SLC30A7: variants seen among roughly 807,000 people sequenced by gnomAD.
SLC30A7 encodes zinc transporter 7.
A neutral mutation model predicts 46.0 loss-of-function variants in SLC30A7; 35 were observed. The ratio of observed to expected loss-of-function variants is 0.76; its 90% confidence interval spans 0.58 to 1.01. The LOEUF (loss-of-function observed/expected upper bound fraction) is 1.01. Ranked by LOEUF, SLC30A7 falls within the 50% of genes least tolerant of loss-of-function variation. SLC30A7 has a pLI of 0.00. For missense variants in SLC30A7, 464 were observed against 451.1 expected (o/e 1.03, Z -0.26); for synonymous variants, 147 against 157.8 (o/e 0.93, Z 0.51).
At position 100,971,894 on chromosome 1, in the gene SLC30A7, C is replaced by G. The variant is rs577758434; in HGVS notation, c.1084-2916C>G. ...AAATTTTTTACTTCCGATTTGTTAT[C>G]CTTTCTACAACAATAAATATGTATT... On this transcript the variant is annotated intron_variant, in intron 10 of 10. Transcript: ENST00000357650. 4.6e-5 allele frequency among the ~76,000 whole-genome samples: 7 copies of G among 152,182 alleles called. No individual in the cohort carries two copies. In the South Asian group the frequency reaches 1.5e-3, roughly 32 times the overall value.
At chr1:100,958,144 A>G (rs529619543) in intron 8 of SLC30A7, among the ~76,000 whole-genome samples, 66 of 152,076 alleles carry the variant, frequency 4.3e-4, no homozygotes, top group African/African-American at 1.6e-3. Flanking sequence ...GAAATGTTAC[A>G]GTGGATGGCC....
chr1:100,970,216 C>T (rs1053189848), intron 10 of SLC30A7, among the ~76,000 whole-genome samples: 6 of 151,926 alleles, frequency 3.9e-5, no homozygotes, highest in African/African-American at 1.4e-4. Flanking sequence ...TTTTAGGTAT[C>T]TTTCTTATAG....
chr1:100,972,733 G>T (rs1470680788), intron 10 of SLC30A7: 1 of 152,008 alleles, frequency 6.6e-6, no homozygotes, highest in African/African-American at 2.4e-5. Flanking sequence ...GGTGTCATCT[G>T]GATAATGTCA....
chr1:100,946,766 G>A (rs1654666783), intron 8 of SLC30A7, among the ~76,000 whole-genome samples: 3 of 152,136 alleles, frequency 2.0e-5, no homozygotes, highest in Non-Finnish European at 4.4e-5. Context: ...TAGTGTCTCT[G>A]CCGGGCTTTG....
intron 2 of SLC30A7, among the ~76,000 whole-genome samples, chr1:100,905,019 T>G (rs1651556309): frequency 6.6e-6 from 1 of 152,198 alleles, no homozygotes; most frequent in Non-Finnish European, 1.5e-5. Flanking sequence ...GAGGATTTCC[T>G]TCCCTTCTTT....
intron 8 of SLC30A7, among the ~76,000 whole-genome samples, chr1:100,923,584 C>T (rs937656561): frequency 6.6e-6 from 1 of 151,978 alleles, no homozygotes. Context: ...ATAAGACCAG[C>T]CTGGGCAACA....
chr1:100,967,255 CAGTTT>C (rs1343773826), intron 10 of SLC30A7, among the ~76,000 whole-genome samples: 1 of 152,170 alleles, frequency 6.6e-6, no homozygotes, highest in Non-Finnish European at 1.5e-5. Context: ...TTGTGGAAGA[CAGTTT>C]TTCCGTGAAC....
intron 2 of SLC30A7, among the ~76,000 whole-genome samples, chr1:100,897,501 G>A (rs1651044927): frequency 6.6e-6 from 1 of 152,094 alleles, no homozygotes; most frequent in Non-Finnish European, 1.5e-5. Flanking sequence ...TGTACATAAA[G>A]CTTCAGGATG....
intron 6 of SLC30A7, among the ~76,000 whole-genome samples, chr1:100,917,092 C>G (rs1425164630): frequency 6.6e-6 from 1 of 152,148 alleles, no homozygotes; most frequent in Admixed American, 6.5e-5. Context: ...GTGTCAGTCT[C>G]TAAAATATCC....
At chr1:100,930,584 T>A (rs1184256625) in intron 8 of SLC30A7, among the ~76,000 whole-genome samples, 1 of 114,344 alleles carries the variant, frequency 8.7e-6, no homozygotes, top group Non-Finnish European at 2.1e-5. Flanking sequence ...AAAGTAAGCA[T>A]TTTTTTTTTT....
the SLC30A7 span, chr1:100,995,098 A>G: frequency 1.9e-6 from 3 of 1,560,330 alleles, no homozygotes; most frequent in Non-Finnish European, 2.6e-6. Context: ...CATTCTCAGA[A>G]TAATAACTTA....
chr1:100,910,851 T>C (rs764400900), intron 3 of SLC30A7, among the ~76,000 whole-genome samples: 1 of 152,166 alleles, frequency 6.6e-6, no homozygotes, highest in Non-Finnish European at 1.5e-5. Context: ...AAAATCTGTT[T>C]TGTGGCATTC....
intron 8 of SLC30A7, among the ~76,000 whole-genome samples, chr1:100,956,497 A>G (rs1655235019): frequency 6.6e-6 from 1 of 152,190 alleles, no homozygotes; most frequent in South Asian, 2.1e-4. Context: ...TTTCTAGGTG[A>G]CTTATTAAGA....
At chr1:100,911,525 A>G (rs1652092207) in intron 4 of SLC30A7, among the ~76,000 whole-genome samples, 1 of 152,120 alleles carries the variant, frequency 6.6e-6, no homozygotes, top group African/African-American at 2.4e-5. Flanking sequence ...TGAACTTAAA[A>G]TGAAATGCAG....
rs186128138 is a variant in SLC30A7 at position 100,976,753 on chromosome 1, C to A, written c.*1896C>A. The A allele has an allele frequency of 6.6e-6, 1 of 152,612 alleles. No individual in the cohort carries two copies. Among genetic ancestry groups the A allele is most frequent in the African/African-American group, 2.4e-5 (1 of 41,438 alleles). The allele number at this position is 152,612 out of a possible 1,614,324, so 9.5% of individuals were successfully genotyped here. A position where few individuals can be genotyped will look rare whatever the true frequency, so the allele number is the denominator to read the frequency against. ...CCTATTTCTGACCTACAACTATAAA[C>A]TACTCTCTATTAGGAGAACTAGACC... On this transcript the variant is annotated 3_prime_UTR_variant, in exon 11 of 11. Coordinates refer to ENST00000357650, the MANE Select transcript of SLC30A7 (RefSeq NM_133496.5).
chr1:100,983,054 G>T (rs909883186), downstream of SLC30A7, among the ~76,000 whole-genome samples: 4 of 152,164 alleles, frequency 2.6e-5, no homozygotes, highest in African/African-American at 9.7e-5. Context: ...TGCTTTCCCA[G>T]TTTCCACTTG....
intron 10 of SLC30A7, among the ~76,000 whole-genome samples, 162 bp downstream of exon 10, chr1:100,966,080 C>T (rs1048471123): frequency 1.2e-4 from 18 of 150,062 alleles, no homozygotes; most frequent in African/African-American, 4.4e-4. Context: ...AACATAAAAT[C>T]AGCTGGGCAT....
At chr1:100,967,915 GTTAAA>G (rs1325084461) in intron 10 of SLC30A7, among the ~76,000 whole-genome samples, 3 of 152,176 alleles carry the variant, frequency 2.0e-5, no homozygotes, top group African/African-American at 7.2e-5. Context: ...TGTATGGGTG[GTTAAA>G]TTTCTTGGAT....
intron 6 of SLC30A7, among the ~76,000 whole-genome samples, chr1:100,914,820 G>C (rs1652373429): frequency 6.6e-6 from 1 of 151,866 alleles, no homozygotes; most frequent in Admixed American, 6.6e-5. Context: ...TTCAGTCTTT[G>C]AAATTTTTCC....
Sources: allele counts gnomAD v4.1 joint callset (sites outside exome capture counted in the v4.1 genomes callset), GRCh38; gene constraint gnomAD v4.1.1; transcripts MANE v1.5; gene names NCBI Gene and HGNC (gene_info 2026-07-23, HGNC 2026-07-21).